The following IFT43 variants were observed in gnomAD, a reference collection of about 807,000 sequenced individuals.
The protein encoded by IFT43 is intraflagellar transport protein 43 homolog.
Under a neutral mutation model 32.3 loss-of-function variants are expected in IFT43, and 33 were observed. The ratio of observed to expected loss-of-function variants is 1.02; its 90% confidence interval spans 0.77 to 1.37. IFT43 has a LOEUF of 1.37. Ranked by LOEUF, IFT43 falls within the 40% of genes most tolerant of loss-of-function variation. The pLI is 0.00. For synonymous variants in IFT43, 93 were observed against 98.2 expected, an observed-to-expected ratio of 0.95 and a Z score of 0.31; for missense variants, 274 against 265.9, an observed-to-expected ratio of 1.03 and a Z score of -0.21.
chr14:76,046,737 C>A (rs925204560), intron 3 of IFT43, among the ~76,000 whole-genome samples: 1 of 152,194 alleles, frequency 6.6e-6, no homozygotes, highest in African/African-American at 2.4e-5. Flanking sequence ...GATATTATCA[C>A]CAGCTTGGCA....
At chr14:76,055,338 C>T (rs2036991803) in intron 3 of IFT43, among the ~76,000 whole-genome samples, 1 of 150,614 alleles carries the variant, frequency 6.6e-6, no homozygotes, top group Non-Finnish European at 1.5e-5. Context: ...AGAGTGAGAC[C>T]CTGTCTCTAA....
chr14:76,039,599 T>C (rs2036667949), intron 3 of IFT43, among the ~76,000 whole-genome samples: 1 of 152,208 alleles, frequency 6.6e-6, no homozygotes, highest in South Asian at 2.1e-4. Flanking sequence ...ATTTTAGTCT[T>C]TGTATAACAT....
chr14:76,033,654 T>C (rs533872490), intron 3 of IFT43, among the ~76,000 whole-genome samples: 1 of 152,244 alleles, frequency 6.6e-6, no homozygotes, highest in African/African-American at 2.4e-5. Context: ...GAGAGGCAAC[T>C]TTCGAGCTTT....
chr14:76,081,004 C>G (rs1046607545), intron 5 of IFT43, among the ~76,000 whole-genome samples: 1 of 152,152 alleles, frequency 6.6e-6, no homozygotes, highest in African/African-American at 2.4e-5. Flanking sequence ...CTTGTTTTCT[C>G]TGCCTGTCTC....
intron 3 of IFT43, chr14:76,058,409 A>G (rs912907702): frequency 1.7e-5 from 8 of 476,008 alleles, no homozygotes; most frequent in South Asian, 1.5e-4. Flanking sequence ...CTGCACTTAC[A>G]CTCTCAACAA....
Position 76,059,314 on chromosome 14 carries a change from T to C in IFT43, c.249-13T>C, listed in dbSNP as rs2140053325. The C allele has an allele frequency of 9.9e-6, 16 of 1,614,076 alleles. No homozygotes were observed. The highest frequency in any genetic ancestry group is 1.3e-5 in the Non-Finnish European group (15 of 1,179,910). ...TCATTTTTTGCTGTCCTTTTCTTCTTTTTTGGGGGCAGTTTCCGCCTCAGA... is the reference window on the plus strand; with the variant it reads ...TCATTTTTTGCTGTCCTTTTCTTCTCTTTTGGGGGCAGTTTCCGCCTCAGA... On this transcript the variant is annotated splice_polypyrimidine_tract_variant and intron_variant, in intron 4 of 8. Transcript: ENST00000314067.
chr14:76,028,061 G>T (rs780720893), intron 3 of IFT43, among the ~76,000 whole-genome samples: 1 of 152,016 alleles, frequency 6.6e-6, no homozygotes, highest in Non-Finnish European at 1.5e-5. Flanking sequence ...CAAGTTAAAG[G>T]TTGTTGACCA....
At chr14:76,019,476 T>A (rs900465734) in intron 2 of IFT43, among the ~76,000 whole-genome samples, 3 of 152,126 alleles carry the variant, frequency 2.0e-5, no homozygotes, top group Non-Finnish European at 2.9e-5. Context: ...GACTTGACAC[T>A]TTCCTCCTGT....
At chr14:76,044,282 C>T (rs998701781) in intron 3 of IFT43, among the ~76,000 whole-genome samples, 9 of 152,066 alleles carry the variant, frequency 5.9e-5, no homozygotes, top group Non-Finnish European at 1.2e-4. Context: ...TCAAGTGATC[C>T]GCCTGCCTCA....
chr14:76,013,963 TG>T, intron 2 of IFT43: 1 of 238,642 alleles, frequency 4.2e-6, no homozygotes, highest in Non-Finnish European at 9.1e-6. Context: ...TGCTGAAAAC[TG>T]GAAGCCAGCA....
At chr14:76,035,501 G>A (rs1186824331) in intron 3 of IFT43, among the ~76,000 whole-genome samples, 3 of 152,152 alleles carry the variant, frequency 2.0e-5, no homozygotes, top group Middle Eastern at 3.4e-3. Flanking sequence ...GGATACTAAA[G>A]GGCTTCTGTC....
intron 6 of IFT43, 53 bp from the exon 7 acceptor site, chr14:76,082,564 C>T (rs2037530372): frequency 5.0e-6 from 8 of 1,609,236 alleles, no homozygotes; most frequent in Non-Finnish European, 6.8e-6. Context: ...CGGCAGCACT[C>T]CTGGAACAGG....
At position 76,008,975 on chromosome 14, in the gene IFT43, A is replaced by G. The variant is rs551664340; in HGVS notation, c.148-13352A>G. On this transcript the variant is annotated intron_variant, in intron 2 of 8. Coordinates refer to ENST00000314067, the MANE Select transcript of IFT43 (RefSeq NM_001102564.3). Reference sequence around the variant, plus strand: ...CTCCTGTCTTATTGAACATATTTGTATCATTGACAGGTACATCTTACCTTG... The same window carrying G: ...CTCCTGTCTTATTGAACATATTTGTGTCATTGACAGGTACATCTTACCTTG... Among the ~76,000 whole-genome samples the G allele has an allele frequency of 2.6e-5, 4 of 152,292 alleles. No homozygotes were observed. The South Asian group carries it at 8.3e-4, about 32-fold the overall frequency.
chr14:76,046,139 A>C (rs1218372485), intron 3 of IFT43, among the ~76,000 whole-genome samples: 1 of 152,232 alleles, frequency 6.6e-6, no homozygotes, highest in African/African-American at 2.4e-5. Flanking sequence ...TTAGACAGGA[A>C]TAAACAGAAG....
intron 2 of IFT43, among the ~76,000 whole-genome samples, chr14:76,016,655 A>AT (rs1315392582): frequency 1.3e-5 from 2 of 152,188 alleles, no homozygotes; most frequent in African/African-American, 4.8e-5. Context: ...TAGTACAGTC[A>AT]TTCTAACAAT....
chr14:76,031,906 A>G lies in IFT43; in HGVS notation c.215+9512A>G, dbSNP rs114573827. Reference sequence around the variant, plus strand: ...TGATCTCAACCCAGTCTCAGGTTTGACTATCGTCTACGCAGTGATGACTCC... The same window carrying G: ...TGATCTCAACCCAGTCTCAGGTTTGGCTATCGTCTACGCAGTGATGACTCC... On this transcript the variant is annotated intron_variant, in intron 3 of 8. Coordinates refer to ENST00000314067, the MANE Select transcript of IFT43 (RefSeq NM_001102564.3). Among the ~76,000 whole-genome samples the G allele has an allele frequency of 9.5e-3, 1,453 of 152,192 alleles. 20 individuals are homozygous for G. Among genetic ancestry groups the G allele is most frequent in the African/African-American group, 0.033 (1,356 of 41,498 alleles).
At chr14:75,993,397 G>A (rs1026240229) in intron 2 of IFT43, among the ~76,000 whole-genome samples, 1 of 152,220 alleles carries the variant, frequency 6.6e-6, no homozygotes, top group Admixed American at 6.5e-5. Flanking sequence ...TGCTGCAGCT[G>A]CTGATAGCTT....
At chr14:76,081,701 T>G (rs2037513029) in intron 5 of IFT43, among the ~76,000 whole-genome samples, 1 of 152,204 alleles carries the variant, frequency 6.6e-6, no homozygotes, top group African/African-American at 2.4e-5. Context: ...CATCCCTGAT[T>G]ACATTAGACC....
intron 2 of IFT43, among the ~76,000 whole-genome samples, chr14:75,997,857 C>T (rs2035776955): frequency 6.6e-6 from 1 of 152,226 alleles, no homozygotes. Context: ...TATATTCCCA[C>T]TGTCCTGCAG....
Sources: allele counts gnomAD v4.1 joint callset (sites outside exome capture counted in the v4.1 genomes callset), GRCh38; gene constraint gnomAD v4.1.1; transcripts MANE v1.5; gene names NCBI Gene and HGNC (gene_info 2026-07-23, HGNC 2026-07-21).